The following NCK1 variants were observed in gnomAD, a reference collection of about 807,000 sequenced individuals.
NCK1 encodes the protein NCK adaptor protein 1.
NCK1 carries 19 observed loss-of-function variants against 36.6 expected under a neutral mutation model. That is an observed-to-expected ratio of 0.52 (90% confidence interval 0.36 to 0.76). The LOEUF is 0.76. Among genes scored for constraint, NCK1 ranks in the 30% least tolerant of loss-of-function variants. NCK1 has a pLI of 0.00. For missense variants in NCK1, 358 were observed against 445.6 expected, an observed-to-expected ratio of 0.80 and a Z score of 1.77; for synonymous variants, 165 against 156.0, an observed-to-expected ratio of 1.06 and a Z score of -0.43.
chr3:136,925,157 G>A (rs897524437), intron 1 of NCK1, among the ~76,000 whole-genome samples: 1 of 152,140 alleles, frequency 6.6e-6, no homozygotes. Context: ...TAATGTAGTA[G>A]AATGCTATTT....
chr3:136,875,335 T>C (rs919368989), intron 1 of NCK1, among the ~76,000 whole-genome samples: 4 of 152,122 alleles, frequency 2.6e-5, no homozygotes, highest in Non-Finnish European at 5.9e-5. Context: ...AGGGACAATT[T>C]GACTTCCTCT....
intron 1 of NCK1, among the ~76,000 whole-genome samples, chr3:136,913,546 G>A (rs1273073731): frequency 6.6e-6 from 1 of 152,232 alleles, no homozygotes; most frequent in Non-Finnish European, 1.5e-5. Context: ...GGAATTACAA[G>A]TTTGAGACAC....
At chr3:136,863,414 TAAG>T (rs1307594057) in intron 1 of NCK1, among the ~76,000 whole-genome samples, 1 of 152,242 alleles carries the variant, frequency 6.6e-6, no homozygotes, top group East Asian at 1.9e-4. Flanking sequence ...AGAAATAACC[TAAG>T]AAGAAAGTTT....
At chr3:136,862,735 A>G (rs1938271985) in intron 1 of NCK1, among the ~76,000 whole-genome samples, 1 of 152,166 alleles carries the variant, frequency 6.6e-6, no homozygotes, top group African/African-American at 2.4e-5. Flanking sequence ...GCTGTGGCGT[A>G]ATCCGAGGCC....
At chr3:136,930,409 G>A (rs1475003894) in intron 2 of NCK1, 18 of 1,225,538 alleles carry the variant, frequency 1.5e-5, no homozygotes, top group Non-Finnish European at 1.8e-5. Flanking sequence ...GGAAAGAGAA[G>A]CCTCAGAAAA....
At chr3:136,879,989 T>TAAAAAACAAA (rs1553791475) in intron 1 of NCK1, among the ~76,000 whole-genome samples, 3 of 119,508 alleles carry the variant, frequency 2.5e-5, no homozygotes, top group Non-Finnish European at 5.0e-5. Flanking sequence ...TAAAGAATAT[T>TAAAAAACAAA]AAAAAAAAAA....
intron 1 of NCK1, among the ~76,000 whole-genome samples, chr3:136,871,620 G>A (rs1291882919): frequency 6.6e-5 from 10 of 151,892 alleles, no homozygotes; most frequent in Non-Finnish European, 1.0e-4. Context: ...GTCCTCTATC[G>A]CCATAAACTA....
intron 1 of NCK1, among the ~76,000 whole-genome samples, chr3:136,904,442 C>T (rs552732625): frequency 2.0e-4 from 30 of 152,298 alleles, no homozygotes; most frequent in South Asian, 1.4e-3. Flanking sequence ...CGTGAGCCAC[C>T]GTACCTGGCC....
chr3:136,950,843 T>C lies in NCK1; in HGVS notation c.*2390T>C, dbSNP rs1397710277. On this transcript the variant is annotated 3_prime_UTR_variant, in exon 4 of 4. Coordinates refer to ENST00000481752, the MANE Select transcript of NCK1 (RefSeq NM_001291999.2). Reference sequence around the variant, plus strand: ...TACATGTGTCAGATGGAACCCTGCCTAACTCACTTCTACAAATAACTTCCC... The same window carrying C: ...TACATGTGTCAGATGGAACCCTGCCCAACTCACTTCTACAAATAACTTCCC... Among the ~76,000 whole-genome samples, 2 of 152,160 alleles carry C rather than the reference T, an allele frequency of 1.3e-5. No individual in the cohort carries two copies. Among genetic ancestry groups the C allele is most frequent in the Non-Finnish European group, 1.5e-5 (1 of 68,004 alleles).
At chr3:136,877,568 T>C (rs1042192949) in intron 1 of NCK1, among the ~76,000 whole-genome samples, 1 of 152,102 alleles carries the variant, frequency 6.6e-6, no homozygotes, top group Non-Finnish European at 1.5e-5. Flanking sequence ...GATGGCTGAG[T>C]GAAAGACACA....
At position 136,945,965 on chromosome 3, in the gene NCK1, A is replaced by G. The variant is rs61731511; in HGVS notation, c.609A>G (p.Ser203=). 10 of 1,613,906 alleles carry G rather than the reference A, an allele frequency of 6.2e-6. No homozygotes were observed. The highest frequency in any genetic ancestry group is 8.5e-6 in the Non-Finnish European group (10 of 1,179,906). Residue 203 remains serine, a synonymous_variant, in exon 3 of 4, where the codon TCA becomes TCG. Transcript: ENST00000481752. ...TACAGGCTCTTTACCCATTCAGCTC[A>G]TCTAATGATGAAGAACTTAATTTCG... ...HVVQALYPFS[S]SNDEELNFEK...
At chr3:136,910,714 T>C (rs1428860286) in intron 1 of NCK1, among the ~76,000 whole-genome samples, 4 of 152,260 alleles carry the variant, frequency 2.6e-5, no homozygotes, top group Non-Finnish European at 5.9e-5. Flanking sequence ...GACACATGTA[T>C]ACAATGTGAA....
Position 136,946,289 on chromosome 3 carries a change from A to G in NCK1, c.933A>G (p.Glu311=), listed in dbSNP as rs1381409453. Residue 311 remains glutamate (E), a synonymous_variant, in exon 3 of 4, where the codon GAA becomes GAG. Coordinates refer to ENST00000481752, the MANE Select transcript of NCK1 (RefSeq NM_001291999.2). ...HEGDFLIRDS[E]SSPNDFSVSL... ...GGGATTTCCTCATTCGTGATAGTGA[A>G]TCTTCGGTAAGTTGATTTTCGGAGG... The G allele has an allele frequency of 6.8e-6, 11 of 1,605,962 alleles. No homozygotes were observed. Among genetic ancestry groups the G allele is most frequent in the Admixed American group, 1.7e-5 (1 of 59,320 alleles).
chr3:136,940,777 T>G (rs989465811), intron 2 of NCK1, among the ~76,000 whole-genome samples: 4 of 152,070 alleles, frequency 2.6e-5, no homozygotes, highest in African/African-American at 9.7e-5. Flanking sequence ...ACTCCTGAGC[T>G]CAAGTGATCC....
At chr3:136,896,629 G>A (rs1215281639) in intron 1 of NCK1, among the ~76,000 whole-genome samples, 1 of 151,788 alleles carries the variant, frequency 6.6e-6, no homozygotes, top group Non-Finnish European at 1.5e-5. Context: ...TGAGTAGCCG[G>A]GACCACAAGC....
intron 3 of NCK1, 39 bp from the exon 4 acceptor site, chr3:136,948,220 C>T: frequency 1.4e-6 from 2 of 1,480,740 alleles, no homozygotes; most frequent in African/African-American, 2.8e-5. Context: ...AGAGGGCTTT[C>T]AAAATGTTTA....
chr3:136,924,669 T>C (rs1351719517), intron 1 of NCK1, among the ~76,000 whole-genome samples: 3 of 152,230 alleles, frequency 2.0e-5, no homozygotes, highest in African/African-American at 7.2e-5. Context: ...TGCAATCTTA[T>C]ATATTTTTAT....
intron 1 of NCK1, among the ~76,000 whole-genome samples, chr3:136,920,484 T>C (rs1940077716): frequency 6.6e-6 from 1 of 152,114 alleles, no homozygotes; most frequent in South Asian, 2.1e-4. Flanking sequence ...AGCAAAAAGT[T>C]TGCTCTTAAA....
At chr3:136,903,615 G>T (rs1325196499) in intron 1 of NCK1, among the ~76,000 whole-genome samples, 1 of 152,062 alleles carries the variant, frequency 6.6e-6, no homozygotes, top group Non-Finnish European at 1.5e-5. Context: ...AGTGGAGATG[G>T]GGTTTCACCG....
Sources: gnomAD v4.1 joint callset for allele counts (sites outside exome capture counted in the v4.1 genomes callset) on GRCh38, gnomAD v4.1.1 for gene constraint, MANE v1.5 for transcripts, NCBI Gene and HGNC (gene_info 2026-07-23, HGNC 2026-07-21) for gene names.